TRIM24: variants seen among roughly 807,000 people sequenced by gnomAD.
TRIM24 encodes the protein tripartite motif containing 24.
A neutral mutation model predicts 123.9 loss-of-function variants in TRIM24; 29 were observed. The ratio of observed to expected loss-of-function variants is 0.23; its 90% CI spans 0.17 to 0.32. The LOEUF (loss-of-function observed/expected upper bound fraction) is 0.32, where lower values mean the gene tolerates loss of function less well. TRIM24 is among the 10% of genes least tolerant of loss of function. TRIM24 has a pLI of 1.00. For missense variants in TRIM24, 932 were observed against 1,295.3 expected, an observed-to-expected ratio of 0.72 and a Z score of 4.31; for synonymous variants, 456 against 461.1, an observed-to-expected ratio of 0.99 and a Z score of 0.14.
rs1797991871 is a variant in TRIM24 at position 138,585,316 on chromosome 7, A to C, written c.*365A>C. On this transcript the variant is annotated 3_prime_UTR_variant, in exon 19 of 19. Transcript: ENST00000343526. ...GAAATAGACTTTGTATGAACTCTTT[A>C]AGTTGAAAAGTAAAAAATATATGTG... 8.2e-6 allele frequency: 2 copies of C among 242,860 alleles called. No individual in the cohort carries two copies. Among genetic ancestry groups the C allele is most frequent in the East Asian group, 1.3e-4 (2 of 15,374 alleles). 15.0% of individuals were successfully genotyped at this position (242,860 alleles called of 1,614,324 possible).
At chr7:138,517,105 CA>C (rs72395393) in intron 3 of TRIM24, among the ~76,000 whole-genome samples, 3,174 of 130,240 alleles carry the variant, frequency 0.024, 87 homozygotes, top group African/African-American at 0.08. Flanking sequence ...ATCCTGTCTC[CA>C]AAAAAAAAAA....
intron 16 of TRIM24, 70 bp downstream of exon 16, chr7:138,580,764 G>T: frequency 1.4e-6 from 2 of 1,406,092 alleles, no homozygotes; most frequent in Non-Finnish European, 9.5e-7. Flanking sequence ...TTGTCAAAGA[G>T]GTGTATATCC....
chr7:138,501,082 A>G (rs1324889488), intron 1 of TRIM24, among the ~76,000 whole-genome samples: 4 of 152,130 alleles, frequency 2.6e-5, no homozygotes, highest in African/African-American at 9.7e-5. Flanking sequence ...GGGGGCCTAG[A>G]ACATTATATA....
chr7:138,491,373 C>G (rs1372445208), intron 1 of TRIM24: 1 of 163,466 alleles, frequency 6.1e-6, no homozygotes, highest in African/African-American at 2.4e-5. Context: ...TCGTGCTGCT[C>G]CTCTTTCCTT....
chr7:138,467,562 C>G (rs549624111), intron 1 of TRIM24, among the ~76,000 whole-genome samples: 1 of 152,074 alleles, frequency 6.6e-6, no homozygotes, highest in African/African-American at 2.4e-5. Context: ...AGGATGGTCT[C>G]GATCTCTTGA....
chr7:138,509,754 A>T (rs546655108), intron 2 of TRIM24, among the ~76,000 whole-genome samples: 1 of 151,928 alleles, frequency 6.6e-6, no homozygotes, highest in South Asian at 2.1e-4. Flanking sequence ...ATTATAGACT[A>T]GATATAAGAT....
intron 11 of TRIM24, among the ~76,000 whole-genome samples, chr7:138,573,274 CCT>C (rs1797692868): frequency 6.6e-6 from 1 of 152,034 alleles, no homozygotes; most frequent in Non-Finnish European, 1.5e-5. Flanking sequence ...CCTTTTGACT[CCT>C]GTTTTTGAAA....
At chr7:138,464,455 T>C (rs1795087730) in intron 1 of TRIM24, among the ~76,000 whole-genome samples, 1 of 151,722 alleles carries the variant, frequency 6.6e-6, no homozygotes, top group Admixed American at 6.6e-5. Flanking sequence ...AGCCTTGGGG[T>C]AAAATGGTAG....
At chr7:138,571,072 G>C in intron 11 of TRIM24, 69 bp downstream of exon 11, 1 of 1,499,824 alleles carries the variant, frequency 6.7e-7, no homozygotes, top group Non-Finnish European at 9.2e-7. Flanking sequence ...GCTCACTCCT[G>C]TAATCCCAGC....
intron 15 of TRIM24, among the ~76,000 whole-genome samples, chr7:138,580,164 A>ATACT (rs1797863063): frequency 1.3e-5 from 2 of 152,342 alleles, no homozygotes; most frequent in African/African-American, 4.8e-5. Flanking sequence ...TTGGAAGGCC[A>ATACT]TACTTTTGAA....
At chr7:138,579,592 CAGAA>C in intron 15 of TRIM24, 60 bp downstream of exon 15, 4 of 1,422,312 alleles carry the variant, frequency 2.8e-6, no homozygotes, top group Non-Finnish European at 3.8e-6. Context: ...ATTATTTTAA[CAGAA>C]AGCCTTTGAA....
intron 12 of TRIM24, among the ~76,000 whole-genome samples, chr7:138,575,130 A>G (rs1368358971): frequency 2.0e-5 from 3 of 152,220 alleles, no homozygotes; most frequent in Admixed American, 2.0e-4. Context: ...AGAACCATAT[A>G]AAAGATGTAA....
intron 1 of TRIM24, 49 bp downstream of exon 1, chr7:138,460,961 G>T: frequency 4.4e-6 from 6 of 1,359,810 alleles, no homozygotes; most frequent in Non-Finnish European, 4.7e-6. Flanking sequence ...GGGCCAGGAG[G>T]GGGCGGGCGC....
rs753941192 is a variant in TRIM24, at chr7:138,577,521, C to T, written c.2189C>T (p.Pro730Leu). 57 of 1,610,650 alleles carry T rather than the reference C, an allele frequency of 3.5e-5. No homozygotes were observed. The Admixed American group carries it at 4.4e-4, about 12-fold the overall frequency. The change falls in exon 14 of 19, where the codon CCG (proline) becomes CTG (leucine). Residue 730 changes from proline to leucine, a missense_variant. Coordinates refer to ENST00000343526, the MANE Select transcript of TRIM24 (RefSeq NM_015905.3). ...ATAAAACAAGAAAACAGTGGACCAC[C>T]GGAAAATTATGATTTCCCTGTTGTT... ...IRIKQENSGP[P>L]ENYDFPVVIV...
Position 138,460,614 on chromosome 7 carries a change from G to C in TRIM24, c.66G>C (p.Gly22=). The change falls in exon 1 of 19, where the codon GGG becomes GGC. Residue 22 remains glycine, a synonymous_variant. Coordinates refer to ENST00000343526, the MANE Select transcript of TRIM24 (RefSeq NM_015905.3). ...CGGCCTCGGCTGCGGCCTCCGGGGG[G>C]CCCTCGGCGGCGCCGAGCGGGGAGA... ...AAAASAAASG[G]PSAAPSGENE... 1 of 1,380,870 alleles carries C rather than the reference G, an allele frequency of 7.2e-7. No homozygotes were observed. The highest frequency in any genetic ancestry group is 9.3e-7 in the Non-Finnish European group (1 of 1,072,844). 85.5% of individuals were successfully genotyped at this position (1,380,870 alleles called of 1,614,324 possible). A position where few individuals can be genotyped will look rare whatever the true frequency, so the allele number is the denominator to read the frequency against.
intron 9 of TRIM24, 141 bp from the exon 10 acceptor site, chr7:138,567,340 T>A: frequency 7.1e-4 from 363 of 509,826 alleles, no homozygotes; most frequent in Middle Eastern, 8.5e-4. Context: ...CCCCCACCCC[T>A]CATTCCCTTA....
intron 9 of TRIM24, among the ~76,000 whole-genome samples, chr7:138,557,853 C>T (rs934679950): frequency 2.0e-5 from 3 of 152,170 alleles, no homozygotes; most frequent in Admixed American, 6.6e-5. Context: ...CTGCCTATAA[C>T]GTTATGATGC....
intron 2 of TRIM24, among the ~76,000 whole-genome samples, chr7:138,514,084 TAGAA>T (rs1796344175): frequency 6.6e-6 from 1 of 152,178 alleles, no homozygotes; most frequent in Admixed American, 6.5e-5. Flanking sequence ...CAAGTGATGT[TAGAA>T]AGATTGAAGA....
chr7:138,552,130 T>G (rs1237358316), intron 8 of TRIM24, among the ~76,000 whole-genome samples: 2 of 152,204 alleles, frequency 1.3e-5, no homozygotes, highest in Non-Finnish European at 2.9e-5. Context: ...TACAATTGCA[T>G]GCTATACCGG....
Sources: gnomAD v4.1 joint callset for allele counts (sites outside exome capture counted in the v4.1 genomes callset) on GRCh38, gnomAD v4.1.1 for gene constraint, MANE v1.5 for transcripts, NCBI Gene and HGNC (gene_info 2026-07-23, HGNC 2026-07-21) for gene names.